MYCN: variants seen among roughly 807,000 people sequenced by gnomAD.
MYCN encodes MYCN proto-oncogene, bHLH transcription factor.
MYCN carries 3 observed loss-of-function variants against 28.1 expected under a neutral mutation model. The observed-to-expected ratio is 0.11, with a 90% CI of 0.05 to 0.28. The LOEUF (loss-of-function observed/expected upper bound fraction) is 0.28. MYCN is among the 10% of genes least tolerant of loss of function. The pLI is 1.00. For synonymous variants in MYCN, 326 were observed against 288.3 expected (o/e 1.13, Z -1.32); for missense variants, 572 against 651.4 (o/e 0.88, Z 1.33).
chr2:15,945,605 G>A lies in MYCN; in HGVS notation c.903G>A (p.Val301=). ...TKAVTTFTIT[V]RPKNAALGPG... ...CTGTCACCACATTCACCATCACTGT[G>A]CGTCCCAAGAACGCAGCCCTGGGTC... Residue 301 remains valine (V), a synonymous_variant, in exon 3 of 3, where the codon GTG becomes GTA. Transcript: ENST00000281043. This position sits in a 1 kb window ranked among gnomAD's most constrained non-coding sequence, Gnocchi z 4.8. 6.2e-7 allele frequency: 1 copy of A among 1,614,120 alleles called. No homozygotes were observed. The highest frequency in any genetic ancestry group is 8.5e-7 in the Non-Finnish European group (1 of 1,180,024).
At chr2:15,943,835 A>C (rs1474954619) in intron 2 of MYCN, among the ~76,000 whole-genome samples, 1 of 152,166 alleles carries the variant, frequency 6.6e-6, no homozygotes, top group Non-Finnish European at 1.5e-5. Context: ...TGAAGGGAAG[A>C]GTTAAAACCA....
rs1448656847 is a variant in MYCN, at chr2:15,940,644, C to T, written c.-217C>T. ...CGAGCAAGCGCTAGCCAGGCGCAAG[C>T]GCGCACAGACTGTAGCCATCCGAGG... On this transcript the variant is annotated 5_prime_UTR_variant, in exon 1 of 3. Coordinates refer to ENST00000281043, the MANE Select transcript of MYCN (RefSeq NM_005378.6). 5 of 400,306 alleles carry T rather than the reference C, an allele frequency of 1.2e-5. No homozygotes were observed. The highest frequency in any genetic ancestry group is 2.1e-5 in the African/African-American group (1 of 48,706). 24.8% of individuals were successfully genotyped at this position (400,306 alleles called of 1,614,324 possible).
intron 2 of MYCN, among the ~76,000 whole-genome samples, chr2:15,944,738 T>G (rs1415642457): frequency 6.6e-6 from 1 of 152,104 alleles, no homozygotes; most frequent in Non-Finnish European, 1.5e-5. Context: ...TAAGTCTACA[T>G]GTTATCTGTC....
chr2:15,943,095 G>C (rs1385272589), intron 2 of MYCN, among the ~76,000 whole-genome samples: 5 of 152,198 alleles, frequency 3.3e-5, no homozygotes, highest in African/African-American at 9.6e-5. Context: ...CCCTCTCCTG[G>C]GGAGCCCTCC....
chr2:15,944,006 A>G (rs939990443), intron 2 of MYCN, among the ~76,000 whole-genome samples: 5 of 152,098 alleles, frequency 3.3e-5, no homozygotes, highest in African/African-American at 1.2e-4. Flanking sequence ...CTGAGGAGAG[A>G]TCTTTGAGGC....
rs1662677455 is a variant in MYCN, at chr2:15,941,716, C to T, written c.-117-232C>T. The T allele has an allele frequency of 2.3e-6, 1 of 428,658 alleles. No individual in the cohort carries two copies. The highest frequency in any genetic ancestry group is 4.3e-6 in the Non-Finnish European group (1 of 235,158). The allele number at this position is 428,658 out of a possible 1,614,324, so 26.6% of individuals were successfully genotyped here. A position where few individuals can be genotyped will look rare whatever the true frequency, so the allele number is the denominator to read the frequency against. Reference sequence around the variant, plus strand: ...TTCCAAAGTTGCGGAGCCTCGCCACCACCCCCTGCATCTGCATGCCCCCTC... The same window carrying T: ...TTCCAAAGTTGCGGAGCCTCGCCACTACCCCCTGCATCTGCATGCCCCCTC... On this transcript the variant is annotated intron_variant, in intron 1 of 2. Transcript: ENST00000281043. The surrounding 1 kb of genome is among the most constrained non-coding windows in gnomAD (Gnocchi z 4.8).
rs1238505586 is a variant in MYCN at position 15,940,811 on chromosome 2, CT to C, written c.-118+69del. ...GACGAGCGCCGGGGCAAGGCAAGCC[CT>C]GGACGGGATTGCGACGTGCGCACCG... On this transcript the variant is annotated intron_variant, in intron 1 of 2. Coordinates refer to ENST00000281043, the MANE Select transcript of MYCN (RefSeq NM_005378.6). The C allele has an allele frequency of 7.5e-6, 3 of 398,250 alleles. No homozygotes were observed. The East Asian group carries it at 1.1e-4, about 14-fold the overall frequency. 24.7% of individuals were successfully genotyped at this position (398,250 alleles called of 1,614,324 possible).
At position 15,941,955 on chromosome 2, in the gene MYCN, G is replaced by C. The variant is rs975232192; in HGVS notation, c.-110G>C. ...TGTGTCTGTCGGTTGCAGTGTTGGA[G>C]GTCGGCGCCGGCCCCCGCCTTCCGC... On this transcript the variant is annotated 5_prime_UTR_variant, in exon 2 of 3. Coordinates refer to ENST00000281043, the MANE Select transcript of MYCN (RefSeq NM_005378.6). The surrounding 1 kb of genome is among the most constrained non-coding windows in gnomAD (Gnocchi z 4.8). 1.4e-5 allele frequency: 20 copies of C among 1,392,488 alleles called. No individual in the cohort carries two copies. In the African/African-American group the frequency reaches 2.1e-4, roughly 15 times the overall value. 86.3% of individuals were successfully genotyped at this position (1,392,488 alleles called of 1,614,324 possible).
chr2:15,945,702 G>A lies in MYCN; in HGVS notation c.1000G>A (p.Ala334Thr), dbSNP rs763830786. The A allele has an allele frequency of 4.3e-6, 7 of 1,613,828 alleles. No homozygotes were observed. Among genetic ancestry groups the A allele is most frequent in the African/African-American group, 1.3e-5 (1 of 74,890 alleles). Residue 334 changes from alanine to threonine, a missense_variant, in exon 3 of 3, where the codon GCC (alanine) becomes ACC (threonine). Physicochemically the swap from Ala to Thr is moderately conservative, Grantham distance 58. Transcript: ENST00000281043. The surrounding 1 kb of genome is among the most constrained non-coding windows in gnomAD (Gnocchi z 4.8). ...CATCCACCAGCAGCACAACTATGCC[G>A]CCCCCTCTCCCTACGTGGAGAGTGA... Reference protein sequence around the residue: ...LPIHQQHNYAAPSPYVESEDA... With the variant: ...LPIHQQHNYATPSPYVESEDA...
At chr2:15,943,618 G>A (rs1434191443) in intron 2 of MYCN, among the ~76,000 whole-genome samples, 1 of 151,984 alleles carries the variant, frequency 6.6e-6, no homozygotes, top group African/African-American at 2.4e-5. Flanking sequence ...ATTCTCAGGG[G>A]GCCTCCTCTT....
rs1307600598 is a variant in MYCN at position 15,945,524 on chromosome 2, G to A, written c.822G>A (p.Glu274=). 6.2e-7 allele frequency: 1 copy of A among 1,613,268 alleles called. No individual in the cohort carries two copies. Among genetic ancestry groups the A allele is most frequent in the African/African-American group, 1.3e-5 (1 of 75,044 alleles). Residue 274 remains glutamate (E), a synonymous_variant, in exon 3 of 3, where the codon GAG becomes GAA. Coordinates refer to ENST00000281043, the MANE Select transcript of MYCN (RefSeq NM_005378.6). This position sits in a 1 kb window ranked among gnomAD's most constrained non-coding sequence, Gnocchi z 4.8. ...DDEDDEEEDE[E]EEIDVVTVEK... is the part of the protein sequence containing the mutation. Reference sequence around the variant, plus strand: ...AAGATGATGAAGAGGAAGATGAAGAGGAAGAAATCGACGTGGTCACTGTGG... The same window carrying A: ...AAGATGATGAAGAGGAAGATGAAGAAGAAGAAATCGACGTGGTCACTGTGG...
Position 15,945,366 on chromosome 2 carries a change from C to A in MYCN, c.791-127C>A. The A allele has an allele frequency of 1.9e-6, 2 of 1,049,454 alleles. No individual in the cohort carries two copies. Among genetic ancestry groups the A allele is most frequent in the Non-Finnish European group, 2.9e-6 (2 of 695,980 alleles). The allele number at this position is 1,049,454 out of a possible 1,614,324, so 65.0% of individuals were successfully genotyped here. On this transcript the variant is annotated intron_variant, in intron 2 of 2. Coordinates refer to ENST00000281043, the MANE Select transcript of MYCN (RefSeq NM_005378.6). This position sits in a 1 kb window ranked among gnomAD's most constrained non-coding sequence, Gnocchi z 4.8. ...AACTGTCCACATCTATGTTGATGGA[C>A]CCATAAAAATAGCAGTCTGCCAGGG...
Position 15,941,145 on chromosome 2 carries a change from C to T in MYCN, c.-118+402C>T. 6.3e-6 allele frequency: 1 copy of T among 159,380 alleles called. No homozygotes were observed. Among genetic ancestry groups the T allele is most frequent in the Non-Finnish European group, 1.4e-5 (1 of 72,890 alleles). The allele number at this position is 159,380 out of a possible 1,614,324, so 9.9% of individuals were successfully genotyped here. ...TTAGGCAGGGCGAGGCCGCCGCGGTCGCAATCTGGGTCACGGCTGCTCCAG... is the reference window on the plus strand; with the variant it reads ...TTAGGCAGGGCGAGGCCGCCGCGGTTGCAATCTGGGTCACGGCTGCTCCAG... On this transcript the variant is annotated intron_variant, in intron 1 of 2. Coordinates refer to ENST00000281043, the MANE Select transcript of MYCN (RefSeq NM_005378.6). The surrounding 1 kb of genome is among the most constrained non-coding windows in gnomAD (Gnocchi z 4.8).
chr2:15,945,223 C>T lies in MYCN; in HGVS notation c.791-270C>T, dbSNP rs1306838508. Among the ~76,000 whole-genome samples, 3 of 152,066 alleles carry T rather than the reference C, an allele frequency of 2.0e-5. No individual in the cohort carries two copies. The highest frequency in any genetic ancestry group is 7.2e-5 in the African/African-American group (3 of 41,394). ...CCATGTTGGCCAGGCTGATCTTGAACTCCTCATCTCAGGTGATCTGCCCGC... is the reference window on the plus strand; with the variant it reads ...CCATGTTGGCCAGGCTGATCTTGAATTCCTCATCTCAGGTGATCTGCCCGC... On this transcript the variant is annotated intron_variant, in intron 2 of 2. Transcript: ENST00000281043. This position sits in a 1 kb window ranked among gnomAD's most constrained non-coding sequence, Gnocchi z 4.8.
Position 15,941,823 on chromosome 2 carries a change from G to T in MYCN, c.-117-125G>T. On this transcript the variant is annotated intron_variant, in intron 1 of 2. Coordinates refer to ENST00000281043, the MANE Select transcript of MYCN (RefSeq NM_005378.6). This position sits in a 1 kb window ranked among gnomAD's most constrained non-coding sequence, Gnocchi z 4.8. Reference sequence around the variant, plus strand: ...GAGGCACAACTTCCTCCACCTTCGGGAGCAGTGGGCAGAGTGGGGGGCTTG... The same window carrying T: ...GAGGCACAACTTCCTCCACCTTCGGTAGCAGTGGGCAGAGTGGGGGGCTTG... The T allele has an allele frequency of 1.7e-6, 1 of 596,098 alleles. No homozygotes were observed. The highest frequency in any genetic ancestry group is 1.9e-5 in the African/African-American group (1 of 53,888). 36.9% of individuals were successfully genotyped at this position (596,098 alleles called of 1,614,324 possible).
At position 15,942,596 on chromosome 2, in the gene MYCN, G is replaced by A. The variant is rs1232039982; in HGVS notation, c.532G>A (p.Glu178Lys). 2.8e-5 allele frequency: 30 copies of A among 1,075,106 alleles called. No individual in the cohort carries two copies. Among genetic ancestry groups the A allele is most frequent in the Non-Finnish European group, 3.1e-5 (28 of 889,882 alleles). 66.6% of individuals were successfully genotyped at this position (1,075,106 alleles called of 1,614,324 possible). The change falls in exon 2 of 3, where the codon GAG (glutamate) becomes AAG (lysine). Residue 178 changes from glutamate to lysine, a missense_variant. By Grantham distance (56) the Glu-to-Lys change is moderately conservative (BLOSUM62 1). Around this residue, in one of 3 missense-constraint regions of MYCN, gnomAD observed 499 missense variants for 524.3 expected, o/e 0.95. Transcript: ENST00000281043. The surrounding 1 kb of genome is among the most constrained non-coding windows in gnomAD (Gnocchi z 7.0). Reference protein sequence around the residue: ...AGRAGAALPAELAHPAAECVD... With the variant: ...AGRAGAALPAKLAHPAAECVD... ...CCGCGCCGGGGCCGCCCTGCCCGCCGAGCTCGCCCACCCGGCCGCCGAGTG... is the reference window on the plus strand; with the variant it reads ...CCGCGCCGGGGCCGCCCTGCCCGCCAAGCTCGCCCACCCGGCCGCCGAGTG...
intron 2 of MYCN, among the ~76,000 whole-genome samples, chr2:15,944,043 C>A (rs1237442826): frequency 6.6e-6 from 1 of 152,092 alleles, no homozygotes; most frequent in African/African-American, 2.4e-5. Flanking sequence ...GGTGATAAGC[C>A]TCCAGTTTGA....
Position 15,940,587 on chromosome 2 carries a change from A to C in MYCN, c.-274A>C. ...TCATCTGTCTGGACGCGCTGGGTGG[A>C]TGCGGGGGGCTCCTGGGAACTGTGT... On this transcript the variant is annotated 5_prime_UTR_variant, in exon 1 of 3. It removes an upstream start codon present in the reference 5' UTR. Transcript: ENST00000281043. The C allele has an allele frequency of 2.5e-6, 1 of 399,984 alleles. No homozygotes were observed. Among genetic ancestry groups the C allele is most frequent in the Non-Finnish European group, 4.4e-6 (1 of 226,196 alleles). 24.8% of individuals were successfully genotyped at this position (399,984 alleles called of 1,614,324 possible). A position where few individuals can be genotyped will look rare whatever the true frequency, so the allele number is the denominator to read the frequency against.
Position 15,942,442 on chromosome 2 carries a change from G to A in MYCN, c.378G>A (p.Leu126=), listed in dbSNP as rs1572217523. Residue 126 remains leucine (L), a synonymous_variant, in exon 2 of 3, where the codon CTG becomes CTA. Coordinates refer to ENST00000281043, the MANE Select transcript of MYCN (RefSeq NM_005378.6). The surrounding 1 kb of genome is among the most constrained non-coding windows in gnomAD (Gnocchi z 7.0). ...GCGGCTTCTCCGCCCGCGAGAAGCT[G>A]GAGCGCGCCGTGAGCGAGAAGCTGC... ...MWSGFSAREK[L]ERAVSEKLQH... 1 of 1,597,494 alleles carries A rather than the reference G, an allele frequency of 6.3e-7. No homozygotes were observed.
Sources: gnomAD v4.1 joint callset for allele counts (sites outside exome capture counted in the v4.1 genomes callset) on GRCh38, gnomAD v4.1.1 for gene constraint, gnomAD v4.1.1 regional missense constraint, Gnocchi (gnomAD v3.1) non-coding constraint, MANE v1.5 for transcripts, NCBI Gene and HGNC (gene_info 2026-07-23, HGNC 2026-07-21) for gene names.